Variants in FAM118B observed in about 807,000 individuals in gnomAD.
The protein encoded by FAM118B is SIR2 antiphage like 1.
FAM118B carries 24 observed loss-of-function variants against 38.5 expected under a neutral mutation model. That is an observed-to-expected ratio of 0.62 (90% CI 0.45 to 0.88). The LOEUF (loss-of-function observed/expected upper bound fraction) is 0.88. Ranked by LOEUF, FAM118B falls within the 40% of genes least tolerant of loss-of-function variation. The pLI is 0.00. For missense variants in FAM118B, 334 were observed against 420.0 expected, an observed-to-expected ratio of 0.80 and a Z score of 1.79; for synonymous variants, 138 against 156.3, an observed-to-expected ratio of 0.88 and a Z score of 0.87.
At chr11:126,225,590 GT>G (rs1372990547) in intron 1 of FAM118B, among the ~76,000 whole-genome samples, 1 of 152,176 alleles carries the variant, frequency 6.6e-6, no homozygotes, top group East Asian at 1.9e-4. Flanking sequence ...TCCTTTTGTA[GT>G]TTCTTAAGCT....
At chr11:126,223,583 GAAAAA>G (rs35811458) in intron 1 of FAM118B, among the ~76,000 whole-genome samples, 1 of 118,260 alleles carries the variant, frequency 8.5e-6, no homozygotes, top group Non-Finnish European at 1.9e-5. Flanking sequence ...GCGAAAGAGC[GAAAAA>G]AAAAAAAAAA....
intron 8 of FAM118B, 91 bp from the exon 9 acceptor site, chr11:126,262,029 A>C (rs2135230327): frequency 8.2e-7 from 1 of 1,226,238 alleles, no homozygotes; most frequent in Non-Finnish European, 1.2e-6. Flanking sequence ...TGCCTTCTGA[A>C]GGGTTAGGAT....
intron 1 of FAM118B, among the ~76,000 whole-genome samples, chr11:126,225,218 T>A (rs1950124844): frequency 6.6e-6 from 1 of 152,208 alleles, no homozygotes. Context: ...CTTGTTTCTT[T>A]CGAGCTCAGT....
At chr11:126,260,574 ATGT>A (rs1356838066) in intron 7 of FAM118B, 1 of 152,070 alleles carries the variant, frequency 6.6e-6, no homozygotes, top group African/African-American at 2.4e-5. Context: ...TTTGTAAGTC[ATGT>A]TGTGAAAATA....
chr11:126,228,921 C>G (rs527788655), intron 1 of FAM118B, among the ~76,000 whole-genome samples: 1 of 152,176 alleles, frequency 6.6e-6, no homozygotes, highest in Non-Finnish European at 1.5e-5. Flanking sequence ...ATGCCCCAGA[C>G]TTGGAAGAAT....
chr11:126,254,349 T>C lies in FAM118B; in HGVS notation c.612T>C (p.His204=). 1.9e-6 allele frequency: 3 copies of C among 1,613,800 alleles called. No homozygotes were observed. Among genetic ancestry groups the C allele is most frequent in the Non-Finnish European group, 2.5e-6 (3 of 1,179,914 alleles). Reference sequence around the variant, plus strand: ...AGAAGCGTAAGCTGAGCGTGTTGCATATTCACGGAGTCTACACCAACCCTA... The same window carrying C: ...AGAAGCGTAAGCTGAGCGTGTTGCACATTCACGGAGTCTACACCAACCCTA... ...AQEKRKLSVL[H]IHGVYTNPSG... Residue 204 remains histidine (H), a synonymous_variant, in exon 6 of 9, where the codon CAT becomes CAC. Transcript: ENST00000533050.
intron 3 of FAM118B, among the ~76,000 whole-genome samples, chr11:126,236,211 T>G (rs1422568782): frequency 6.6e-6 from 1 of 152,240 alleles, no homozygotes; most frequent in Non-Finnish European, 1.5e-5. Flanking sequence ...TCCTCTTTTT[T>G]GGTGCACGCC....
intron 1 of FAM118B, among the ~76,000 whole-genome samples, chr11:126,222,371 G>T (rs1298014758): frequency 6.6e-6 from 1 of 152,196 alleles, no homozygotes; most frequent in Non-Finnish European, 1.5e-5. Flanking sequence ...AGTAACCTGT[G>T]ATGAATTCAG....
intron 7 of FAM118B, among the ~76,000 whole-genome samples, chr11:126,259,219 G>T (rs12804014): frequency 1.3e-5 from 2 of 152,030 alleles, no homozygotes; most frequent in African/African-American, 4.8e-5. Context: ...AGAGGTTACA[G>T]GTCTTTTGCT....
rs1950350022 is a variant in FAM118B at position 126,241,026 on chromosome 11, T to A, written c.321T>A (p.Leu107=). The change falls in exon 4 of 9, where the codon CTT becomes CTA. Residue 107 remains leucine (L), a synonymous_variant. Coordinates refer to ENST00000533050, the MANE Select transcript of FAM118B (RefSeq NM_024556.4). ...ACCTGGTCCATGTTGCCCATGACCT[T>A]ATCCAGAAACTCTCTCCTGTGAGTA... ...DKNLVHVAHD[L]IQKLSPRTSN... is the part of the protein sequence containing the mutation. 6.2e-7 allele frequency: 1 copy of A among 1,601,384 alleles called. No homozygotes were observed. Among genetic ancestry groups the A allele is most frequent in the Non-Finnish European group, 8.5e-7 (1 of 1,173,156 alleles).
At chr11:126,254,665 C>T (rs1199961788) in intron 6 of FAM118B, among the ~76,000 whole-genome samples, 1 of 152,122 alleles carries the variant, frequency 6.6e-6, no homozygotes, top group East Asian at 1.9e-4. Flanking sequence ...AGACTCTTGT[C>T]TTTACAAAAA....
intron 3 of FAM118B, among the ~76,000 whole-genome samples, chr11:126,236,557 A>T (rs1950276639): frequency 3.9e-5 from 6 of 152,290 alleles, no homozygotes; most frequent in Admixed American, 2.6e-4. Flanking sequence ...TTTCACAGTG[A>T]TGTATCTTGT....
chr11:126,215,333 A>G (rs1361128309), intron 1 of FAM118B, among the ~76,000 whole-genome samples: 2 of 152,180 alleles, frequency 1.3e-5, no homozygotes, highest in Non-Finnish European at 2.9e-5. Flanking sequence ...TTGTCCCCAG[A>G]ATTTAACTTT....
At chr11:126,259,236 T>G (rs555383094) in intron 7 of FAM118B, among the ~76,000 whole-genome samples, 135 of 152,324 alleles carry the variant, frequency 8.9e-4, no homozygotes, top group Middle Eastern at 3.4e-3. Flanking sequence ...TGCTGTTATT[T>G]TGTTTTTTAA....
chr11:126,257,199 TG>T (rs1324356866), intron 7 of FAM118B, among the ~76,000 whole-genome samples: 1 of 152,212 alleles, frequency 6.6e-6, no homozygotes, highest in East Asian at 1.9e-4. Flanking sequence ...AATTTATTCA[TG>T]GAGTATTTGT....
chr11:126,234,918 CT>C, intron 2 of FAM118B, 76 bp from the exon 3 acceptor site: 4 of 1,173,218 alleles, frequency 3.4e-6, no homozygotes, highest in Non-Finnish European at 4.9e-6. Context: ...CTTTTTTAAA[CT>C]GTTTAATATA....
intron 4 of FAM118B, among the ~76,000 whole-genome samples, chr11:126,248,358 C>CTTTATTTTTT (rs1950446236): frequency 2.7e-5 from 1 of 36,966 alleles, no homozygotes; most frequent in African/African-American, 1.2e-4. Flanking sequence ...TAGTAGTTGA[C>CTTTATTTTTT]TTTTTTTTTT....
In FAM118B at chr11:126,254,312, A is replaced by G. The variant is rs767078731; in HGVS notation, c.575A>G (p.Glu192Gly). ...LDLTDEKKVL[E>G]WAQEKRKLSV... ...TATATGTGTGTTGTGCAGGTCCTCG[A>G]GTGGGCTCAGGAGAAGCGTAAGCTG... is the stretch of plus-strand genomic sequence containing the variant. The change falls in exon 6 of 9, where the codon GAG becomes GGG. Residue 192 changes from glutamate (E) to glycine (G), a missense_variant. Glu to Gly is a moderately conservative substitution (Grantham distance 98). Around this residue, in one of 3 missense-constraint regions of FAM118B, gnomAD observed 240 missense variants for 295.9 expected, o/e 0.81. Coordinates refer to ENST00000533050, the MANE Select transcript of FAM118B (RefSeq NM_024556.4). 1.2e-6 allele frequency: 2 copies of G among 1,613,962 alleles called. No homozygotes were observed. Among genetic ancestry groups the G allele is most frequent in the South Asian group, 2.2e-5 (2 of 91,064 alleles).
chr11:126,259,487 A>G (rs55640045), intron 7 of FAM118B, among the ~76,000 whole-genome samples: 17,960 of 143,186 alleles, frequency 0.13, 1,127 homozygotes, highest in East Asian at 0.15. Flanking sequence ...GTGCAGTGGC[A>G]CAATCTCGGC....
Sources: allele counts gnomAD v4.1 joint callset (sites outside exome capture counted in the v4.1 genomes callset), GRCh38; gene constraint gnomAD v4.1.1; regional missense constraint gnomAD v4.1.1; transcripts MANE v1.5; gene names NCBI Gene and HGNC (gene_info 2026-07-23, HGNC 2026-07-21).